PAM: variants seen among roughly 807,000 people sequenced by gnomAD.
The protein encoded by PAM is peptidyl-glycine alpha-amidating monooxygenase.
In PAM, 72 loss-of-function variants were observed where a neutral mutation model predicts 122.1. The ratio of observed to expected loss-of-function variants is 0.59; its 90% CI spans 0.49 to 0.72. PAM has a LOEUF of 0.72. PAM is among the 30% of genes least tolerant of loss of function. The probability of loss-of-function intolerance (pLI) is 0.00; values close to 1 mark genes in which losing one functional copy is unlikely to be tolerated. For synonymous variants in PAM, 389 were observed against 404.4 expected (o/e 0.96, Z 0.46); for missense variants, 1,106 against 1,183.7 (o/e 0.93, Z 0.96).
chr5:102,976,410 T>C (rs1468191690), intron 15 of PAM, among the ~76,000 whole-genome samples: 1 of 145,868 alleles, frequency 6.9e-6, no homozygotes, highest in African/African-American at 2.5e-5. Context: ...TTCCATTTTG[T>C]AAAAAAAAAA....
chr5:102,890,148 GTTC>G (rs1794362556), intron 3 of PAM, among the ~76,000 whole-genome samples: 1 of 151,756 alleles, frequency 6.6e-6, no homozygotes, highest in Admixed American at 6.6e-5. Flanking sequence ...ATGTTTCTCT[GTTC>G]TTTTTCTTTT....
intron 1 of PAM, among the ~76,000 whole-genome samples, chr5:102,791,048 T>C (rs750487273): frequency 7.9e-5 from 12 of 152,126 alleles, no homozygotes; most frequent in Non-Finnish European, 1.5e-4. Context: ...GTGAACATTT[T>C]CTCCTGTCAC....
chr5:103,017,825 T>C (rs1253934264), intron 22 of PAM, among the ~76,000 whole-genome samples: 1 of 152,144 alleles, frequency 6.6e-6, no homozygotes, highest in Admixed American at 6.5e-5. Context: ...CCAGCATCCG[T>C]TTGAGACATA....
Position 102,990,252 on chromosome 5 carries a change from T to A in PAM, c.1484-20T>A. On this transcript the variant is annotated intron_variant, in intron 15 of 25. Coordinates refer to ENST00000438793, the MANE Select transcript of PAM (RefSeq NM_001177306.2). Reference sequence around the variant, plus strand: ...TTCGACCTTTCCCTTTTACACTAAATGTGTGGATATATCTTTTAGATTTCC... The same window carrying A: ...TTCGACCTTTCCCTTTTACACTAAAAGTGTGGATATATCTTTTAGATTTCC... The A allele has an allele frequency of 6.6e-7, 1 of 1,516,630 alleles. No homozygotes were observed. Among genetic ancestry groups the A allele is most frequent in the Non-Finnish European group, 8.9e-7 (1 of 1,123,192 alleles). 93.9% of individuals were successfully genotyped at this position (1,516,630 alleles called of 1,614,324 possible).
rs533034600 is a variant in PAM, at chr5:102,883,601, G to A, written c.210+16208G>A. Reference sequence around the variant, plus strand: ...TTGCTGAATTCATTTACCAGGTCTAGGAACTTTTTGGATGAATCTTTAGGG... The same window carrying A: ...TTGCTGAATTCATTTACCAGGTCTAAGAACTTTTTGGATGAATCTTTAGGG... On this transcript the variant is annotated intron_variant, in intron 3 of 25. Coordinates refer to ENST00000438793, the MANE Select transcript of PAM (RefSeq NM_001177306.2). Among the ~76,000 whole-genome samples, 3 of 152,050 alleles carry A rather than the reference G, an allele frequency of 2.0e-5. No individual in the cohort carries two copies. In the East Asian group the frequency reaches 5.8e-4, roughly 29 times the overall value.
chr5:102,879,882 G>A (rs1790418821), intron 3 of PAM, among the ~76,000 whole-genome samples: 1 of 152,202 alleles, frequency 6.6e-6, no homozygotes. Context: ...TATAACCTAG[G>A]TGTGTAGTAG....
At chr5:102,938,835 A>G (rs72783889) in intron 7 of PAM, among the ~76,000 whole-genome samples, 42,979 of 151,658 alleles carry the variant, frequency 0.28, 6,350 homozygotes, top group East Asian at 0.43. Context: ...CACAACACTA[A>G]ACGAGGTTTG....
At chr5:102,930,917 G>A (rs1751282775) in intron 7 of PAM, among the ~76,000 whole-genome samples, 1 of 152,242 alleles carries the variant, frequency 6.6e-6, no homozygotes, top group African/African-American at 2.4e-5. Flanking sequence ...GTGATAGTAT[G>A]TATGGTACCA....
intron 1 of PAM, among the ~76,000 whole-genome samples, chr5:102,801,878 A>C (rs1398121578): frequency 7.1e-6 from 1 of 140,168 alleles, no homozygotes; most frequent in African/African-American, 2.7e-5. Flanking sequence ...TCCTGGGTTC[A>C]CGCCATTCTC....
At chr5:102,938,325 C>T (rs1753954477) in intron 7 of PAM, among the ~76,000 whole-genome samples, 1 of 151,972 alleles carries the variant, frequency 6.6e-6, no homozygotes, top group Non-Finnish European at 1.5e-5. Flanking sequence ...CTAAATATGG[C>T]CATTATGTAT....
intron 1 of PAM, among the ~76,000 whole-genome samples, chr5:102,776,125 C>G (rs1288345726): frequency 6.6e-6 from 1 of 151,996 alleles, no homozygotes. Flanking sequence ...GTTTGTTGGC[C>G]ACATAAATCT....
intron 1 of PAM, among the ~76,000 whole-genome samples, chr5:102,780,757 TTCTTTCTTTCTTTCTTTC>T (rs1758570669): frequency 6.1e-5 from 1 of 16,436 alleles, no homozygotes; most frequent in African/African-American, 2.4e-4. Flanking sequence ...TTCTTTCTCT[TTCTTTCTTTCTTTCTTTC>T]TTTCTTTCTT....
chr5:102,771,663 A>G (rs1476258671), intron 1 of PAM, among the ~76,000 whole-genome samples: 2 of 152,106 alleles, frequency 1.3e-5, no homozygotes, highest in Non-Finnish European at 2.9e-5. Flanking sequence ...CAAATTCTTG[A>G]GAGGAGGAAA....
At chr5:102,790,480 G>A (rs114919053) in intron 1 of PAM, among the ~76,000 whole-genome samples, 1,789 of 152,010 alleles carry the variant, frequency 0.012, 43 homozygotes, top group African/African-American at 0.041. Context: ...ATAAGCCTGT[G>A]GTTCTTATGA....
intron 1 of PAM, among the ~76,000 whole-genome samples, chr5:102,759,818 G>T (rs1256476406): frequency 6.6e-6 from 1 of 152,164 alleles, no homozygotes; most frequent in Non-Finnish European, 1.5e-5. Flanking sequence ...TGACATTGAA[G>T]ACTGAAACAA....
chr5:102,778,810 G>A (rs185795000), intron 1 of PAM, among the ~76,000 whole-genome samples: 63 of 152,254 alleles, frequency 4.1e-4, no homozygotes, highest in African/African-American at 1.4e-3. Flanking sequence ...AGTTGTCGTG[G>A]TTCCCATGGT....
Position 102,866,047 on chromosome 5 carries a change from G to T in PAM, c.-149G>T. 2 of 470,190 alleles carry T rather than the reference G, an allele frequency of 4.3e-6. No homozygotes were observed. Among genetic ancestry groups the T allele is most frequent in the South Asian group, 4.0e-5 (1 of 25,030 alleles). The allele number at this position is 470,190 out of a possible 1,614,324, so 29.1% of individuals were successfully genotyped here. ...TCGCCGCGGCCAGCTCGCTGCTCTC[G>T]CTGGCGGATGGTGTGTGGCCGCCGC... On this transcript the variant is annotated 5_prime_UTR_variant, in exon 2 of 26. Transcript: ENST00000438793.
intron 1 of PAM, among the ~76,000 whole-genome samples, chr5:102,808,428 G>A (rs1475457482): frequency 6.6e-6 from 1 of 152,164 alleles, no homozygotes; most frequent in East Asian, 1.9e-4. Context: ...GCAGGCACAT[G>A]TGGGGTAGGC....
chr5:102,904,405 T>C (rs1045522168), intron 4 of PAM, among the ~76,000 whole-genome samples: 1 of 151,620 alleles, frequency 6.6e-6, no homozygotes, highest in Admixed American at 6.6e-5. Context: ...ACCGACTCAA[T>C]AATTGCTTGC....
Sources: gnomAD v4.1 joint callset for allele counts (sites outside exome capture counted in the v4.1 genomes callset) on GRCh38, gnomAD v4.1.1 for gene constraint, MANE v1.5 for transcripts, NCBI Gene and HGNC (gene_info 2026-07-23, HGNC 2026-07-21) for gene names.